TRANK1: variants seen among roughly 807,000 people sequenced by gnomAD.
The protein encoded by TRANK1 is TPR and ankyrin repeat-containing protein 1.
A neutral mutation model predicts 266.0 loss-of-function variants in TRANK1; 198 were observed. That is an observed-to-expected ratio of 0.74 (90% CI 0.66 to 0.84). TRANK1 has a LOEUF of 0.84. Ranked by LOEUF, TRANK1 falls within the 40% of genes least tolerant of loss-of-function variation. The pLI is 0.00. For synonymous variants in TRANK1, 1,396 were observed against 1,384.1 expected (o/e 1.01, Z -0.19); for missense variants, 3,326 against 3,634.6 (o/e 0.92, Z 2.18).
chr3:36,861,287 C>CTTAACCACT (rs2079138865), intron 10 of TRANK1, 127 bp from the exon 11 acceptor site: 2 of 1,213,894 alleles, frequency 1.6e-6, no homozygotes, highest in African/African-American at 3.1e-5. Context: ...ATTATTTGGG[C>CTTAACCACT]CATGTTGCTT....
intron 2 of TRANK1, among the ~76,000 whole-genome samples, chr3:36,905,108 G>GA (rs2079944563): frequency 6.6e-6 from 1 of 152,162 alleles, no homozygotes; most frequent in South Asian, 2.1e-4. Flanking sequence ...CTAACACGGT[G>GA]AAACCCCATC....
intron 1 of TRANK1, among the ~76,000 whole-genome samples, chr3:36,909,534 G>C (rs545620768): frequency 2.0e-5 from 3 of 152,122 alleles, no homozygotes; most frequent in Non-Finnish European, 4.4e-5. Context: ...GGTAGGGTAG[G>C]GTAGGTCTTA....
chr3:36,878,771 A>G (rs1456617680), intron 8 of TRANK1, among the ~76,000 whole-genome samples: 1 of 133,978 alleles, frequency 7.5e-6, no homozygotes, highest in African/African-American at 2.6e-5. Context: ...CTAAAATGAA[A>G]GTTCAAAAAA....
chr3:36,872,688 G>A (rs1274840476), intron 9 of TRANK1, among the ~76,000 whole-genome samples: 2 of 152,284 alleles, frequency 1.3e-5, no homozygotes, highest in African/African-American at 4.8e-5. Context: ...AAAGGAGATA[G>A]AGACTAGTAG....
intron 1 of TRANK1, among the ~76,000 whole-genome samples, chr3:36,910,673 G>C (rs963516764): frequency 6.6e-6 from 1 of 152,116 alleles, no homozygotes; most frequent in Non-Finnish European, 1.5e-5. Flanking sequence ...CCAGGAGGGA[G>C]AGGTTGCAGT....
rs188717396 is a variant in TRANK1 at position 36,910,066 on chromosome 3, G to A, written c.24-1612C>T. Among the ~76,000 whole-genome samples the A allele has an allele frequency of 2.7e-4, 41 of 152,212 alleles. No individual in the cohort carries two copies. The East Asian group carries it at 3.5e-3, about 13-fold the overall frequency. On this transcript the variant is annotated intron_variant, in intron 1 of 23. Transcript: ENST00000645898. ...ACTGACAAAGAGTTCATATCCCTCCGTTATAAATAGCTTTCCACTGCAAGA... is the reference window on the plus strand; with the variant it reads ...ACTGACAAAGAGTTCATATCCCTCCATTATAAATAGCTTTCCACTGCAAGA...
At chr3:36,850,770 A>G (rs1486967073) in intron 15 of TRANK1, 2 of 985,314 alleles carry the variant, frequency 2.0e-6, no homozygotes, top group Non-Finnish European at 1.2e-6. Flanking sequence ...ATAACATTTA[A>G]AAAATGATAA....
In TRANK1 at chr3:36,827,549, A is replaced by G. The variant is rs548387264; in HGVS notation, c.*726T>C. 66 of 152,412 alleles carry G rather than the reference A, an allele frequency of 4.3e-4. No homozygotes were observed. The highest frequency in any genetic ancestry group is 1.6e-3 in the African/African-American group (65 of 41,598). The allele number at this position is 152,412 out of a possible 1,614,324, so 9.4% of individuals were successfully genotyped here. A position where few individuals can be genotyped will look rare whatever the true frequency, so the allele number is the denominator to read the frequency against. On this transcript the variant is annotated 3_prime_UTR_variant, in exon 24 of 24. Transcript: ENST00000645898. The stretch of plus-strand genomic sequence containing the variant: ...GGGAATGCTCCCAGCAACATTCCCC[A>G]GCCTTTCCCCCTAGGGAAGGGACAT...
chr3:36,838,472 T>A lies in TRANK1; in HGVS notation c.5417A>T (p.Lys1806Met). Residue 1806 changes from lysine (K) to methionine (M), a missense_variant, in exon 20 of 24, where the codon AAG becomes ATG. Lys to Met is a moderately conservative substitution (Grantham distance 95, BLOSUM62 -1). Transcript: ENST00000645898. ...EKQLEYLELA[K>M]TYLECKEPTL... ...TGGCTCTTTGCACTCCAAATAGGTC[T>A]TAGCCAATTCCAAATATTCCAACTG... The A allele has an allele frequency of 6.2e-7, 1 of 1,614,070 alleles. No homozygotes were observed. The highest frequency in any genetic ancestry group is 8.5e-7 in the Non-Finnish European group (1 of 1,179,910).
intron 15 of TRANK1, chr3:36,851,510 G>T (rs1235053069): frequency 1.8e-5 from 23 of 1,248,312 alleles, no homozygotes; most frequent in Non-Finnish European, 2.4e-5. Flanking sequence ...GGGGGAACTA[G>T]CCCATGACAC....
Position 36,855,726 on chromosome 3 carries a change from G to C in TRANK1, c.3996C>G (p.Pro1332=), listed in dbSNP as rs546546817. 3 of 1,613,578 alleles carry C rather than the reference G, an allele frequency of 1.9e-6. No individual in the cohort carries two copies. The highest frequency in any genetic ancestry group is 2.2e-5 in the South Asian group (2 of 91,058). The change falls in exon 13 of 24, where the codon CCC becomes CCG. Residue 1332 remains proline (P), a synonymous_variant. Transcript: ENST00000645898. ...AGGCAGTCCTCCCTTTGGTCATTTTGGGCCATATTTCATTTTTGAACACCT... is the reference window on the plus strand; with the variant it reads ...AGGCAGTCCTCCCTTTGGTCATTTTCGGCCATATTTCATTTTTGAACACCT... ...TFEVFKNEIW[P]KMTKGRTAYN...
chr3:36,878,897 G>A (rs951961715), intron 8 of TRANK1, among the ~76,000 whole-genome samples: 10 of 152,030 alleles, frequency 6.6e-5, no homozygotes, highest in African/African-American at 2.4e-4. Context: ...TCTGGATAGG[G>A]AGGCTGCTGG....
chr3:36,940,119 A>G (rs2080476502), intron 1 of TRANK1, among the ~76,000 whole-genome samples: 2 of 151,414 alleles, frequency 1.3e-5, no homozygotes, highest in East Asian at 2.0e-4. Context: ...CTCGAACCAC[A>G]GGTGATCTAC....
At position 36,864,446 on chromosome 3, in the gene TRANK1, G is replaced by T; in HGVS notation, c.1113C>A (p.Asn371Lys). ...GCTCCAAGACCTTCCTGAAAATGTC[G>T]TTTTCACTAGTGGGTCCATCACCAT... ...FSNGDGPTSE[N>K]DIFRKVLEQL... The change falls in exon 10 of 24, where the codon AAC becomes AAA. Residue 371 changes from asparagine to lysine, a missense_variant. Physicochemically the swap from Asn to Lys is moderately conservative, Grantham distance 94. Transcript: ENST00000645898. 1 of 1,536,224 alleles carries T rather than the reference G, an allele frequency of 6.5e-7. No homozygotes were observed. The highest frequency in any genetic ancestry group is 8.7e-7 in the Non-Finnish European group (1 of 1,146,514).
At chr3:36,892,860 T>C (rs1045736270) in intron 6 of TRANK1, 41 bp downstream of exon 6, 2 of 722,474 alleles carry the variant, frequency 2.8e-6, no homozygotes, top group Non-Finnish European at 3.6e-6. Context: ...AACATATATA[T>C]ATATATATAT....
chr3:36,828,440 A>G (rs1318472334), intron 23 of TRANK1, 65 bp from the exon 24 acceptor site: 1 of 867,282 alleles, frequency 1.2e-6, no homozygotes, highest in Non-Finnish European at 1.8e-6. Context: ...GAAGGAAAGA[A>G]GGAAGGAAGG....
At position 36,856,419 on chromosome 3, in the gene TRANK1, A is replaced by T. The variant is rs1393880785; in HGVS notation, c.3303T>A (p.Ala1101=). ...WKKFHVYWEK[A]EQAGSPLLAK... ...CCAGCAATGGGCTTCCTGCCTGCTCAGCTTTTTCCCAGTAAACGTGGAATT... is the reference window on the plus strand; with the variant it reads ...CCAGCAATGGGCTTCCTGCCTGCTCTGCTTTTTCCCAGTAAACGTGGAATT... Residue 1101 remains alanine (A), a synonymous_variant, in exon 13 of 24, where the codon GCT becomes GCA. Coordinates refer to ENST00000645898, the MANE Select transcript of TRANK1 (RefSeq NM_001329998.2). The T allele has an allele frequency of 1.2e-6, 2 of 1,613,174 alleles. No individual in the cohort carries two copies. Among genetic ancestry groups the T allele is most frequent in the African/African-American group, 2.7e-5 (2 of 74,992 alleles).
intron 9 of TRANK1, among the ~76,000 whole-genome samples, chr3:36,864,952 T>C (rs965467439): frequency 7.2e-5 from 11 of 151,868 alleles, no homozygotes; most frequent in African/African-American, 2.2e-4. Context: ...CAGCCCAGAC[T>C]AAATTGCTGA....
chr3:36,830,852 C>G (rs2078682951), intron 22 of TRANK1, 21 bp downstream of exon 22: 1 of 1,563,882 alleles, frequency 6.4e-7, no homozygotes, highest in South Asian at 1.2e-5. Context: ...TGCCTGGGCC[C>G]CCATCTCTGC....
Sources: gnomAD v4.1 joint callset for allele counts (sites outside exome capture counted in the v4.1 genomes callset) on GRCh38, gnomAD v4.1.1 for gene constraint, MANE v1.5 for transcripts, NCBI Gene and HGNC (gene_info 2026-07-23, HGNC 2026-07-21) for gene names.